Variants in ITIH6 observed in about 807,000 individuals in gnomAD.
ITIH6 encodes inter-alpha-trypsin inhibitor heavy chain H6.
ITIH6 carries 60 observed loss-of-function variants against 58.2 expected under a neutral mutation model. The ratio of observed to expected loss-of-function variants is 1.03; its 90% CI spans 0.84 to 1.28. The LOEUF is 1.28. Ranked by LOEUF, ITIH6 falls within the 50% of genes most tolerant of loss-of-function variation. The probability of loss-of-function intolerance (pLI) is 0.00; values close to 1 mark genes in which losing one functional copy is unlikely to be tolerated. For missense variants in ITIH6, 1,290 were observed against 1,021.1 expected (o/e 1.26, Z -3.59); for synonymous variants, 493 against 417.4 (o/e 1.18, Z -2.21).
In ITIH6 at chrX:54,797,083, C is replaced by T. The variant is rs745917161; in HGVS notation, c.116G>A (p.Ser39Asn). 9 of 1,207,179 alleles carry T rather than the reference C, an allele frequency of 7.5e-6. No homozygotes were observed. In the South Asian group the frequency reaches 8.9e-5, roughly 12 times the overall value. The change falls in exon 2 of 13, where the codon AGC becomes AAC. Residue 39 changes from serine (S) to asparagine (N), a missense_variant. Coordinates refer to ENST00000218436, the MANE Select transcript of ITIH6 (RefSeq NM_198510.3). The stretch of plus-strand genomic sequence containing the variant: ...CACCACCGTGGAGCGCATAGAATAG[C>T]TTGTCATTAACAACTGAGAGAGAAG... ...ASSSTKLLMTSYSMRSTVVSR... is the reference protein window; with the variant it reads ...ASSSTKLLMTNYSMRSTVVSR...
Position 54,749,350 on chromosome X carries a change from G to A in ITIH6, c.*545C>T, listed in dbSNP as rs1250191258. On this transcript the variant is annotated 3_prime_UTR_variant, in exon 13 of 13. Transcript: ENST00000218436. ...ACTGTGAGCGTGGAGGGTTGGGGGT[G>A]GGCTATAGGAACCCAGAGGACAGGA... 1 of 111,946 alleles carries A rather than the reference G, an allele frequency of 8.9e-6. No individual in the cohort carries two copies. The highest frequency in any genetic ancestry group is 1.9e-5 in the Non-Finnish European group (1 of 53,848). The allele number at this position is 111,946 out of a possible 1,213,427, so 9.2% of individuals were successfully genotyped here.
chrX:54,775,830 A>C (rs1258379612), intron 5 of ITIH6, among the ~76,000 whole-genome samples: 3 of 111,493 alleles, frequency 2.7e-5, no homozygotes, highest in African/African-American at 9.8e-5. Flanking sequence ...AACTGTGACT[A>C]ACTTGCCTCC....
intron 6 of ITIH6, 136 bp from the exon 7 acceptor site, chrX:54,760,063 T>TC: frequency 2.0e-6 from 1 of 500,675 alleles, no homozygotes; most frequent in Non-Finnish European, 3.3e-6. Context: ...ACTCTGTGAA[T>TC]CTAGGATTCT....
At chrX:54,793,855 C>T (rs750029032) in intron 2 of ITIH6, among the ~76,000 whole-genome samples, 6 of 110,958 alleles carry the variant, frequency 5.4e-5, no homozygotes, top group African/African-American at 1.3e-4. Flanking sequence ...GACTTTTTGC[C>T]GTGGAGAATG....
chrX:54,754,286 TG>T (rs1314314642), intron 9 of ITIH6, among the ~76,000 whole-genome samples: 1 of 111,962 alleles, frequency 8.9e-6, no homozygotes, highest in Non-Finnish European at 1.9e-5. Flanking sequence ...TCTTGCTCTC[TG>T]CCTGTGGTAG....
intron 1 of ITIH6, among the ~76,000 whole-genome samples, chrX:54,797,862 T>C (rs1321881734): frequency 9.0e-6 from 1 of 111,070 alleles, no homozygotes; most frequent in Non-Finnish European, 1.9e-5. Context: ...CTGTTTTCTC[T>C]TCTCTATAAT....
At chrX:54,780,863 A>G (rs1929135778) in intron 5 of ITIH6, among the ~76,000 whole-genome samples, 1 of 111,581 alleles carries the variant, frequency 9.0e-6, no homozygotes, top group African/African-American at 3.3e-5. Flanking sequence ...AGGATCATTA[A>G]TGCCTACTAT....
chrX:54,774,164 G>T lies in ITIH6; in HGVS notation c.820C>A (p.Pro274Thr). The change falls in exon 6 of 13, where the codon CCC (proline) becomes ACC (threonine). Residue 274 changes from proline (P) to threonine (T), a missense_variant. By Grantham distance (38) the Pro-to-Thr change is conservative. Transcript: ENST00000218436. ...TTCTCCATAGGTGGAAGGCCTCTGG[G>T]GGCAAAGTAGTGAATGAAATAGTCA... is the stretch of plus-strand genomic sequence containing the variant. ...YDDYFIHYFAPRGLPPMEKNV... is the reference protein window; with the variant it reads ...YDDYFIHYFATRGLPPMEKNV... 1 of 1,155,809 alleles carries T rather than the reference G, an allele frequency of 8.7e-7. No individual in the cohort carries two copies. The highest frequency in any genetic ancestry group is 2.0e-5 in the South Asian group (1 of 50,731).
intron 6 of ITIH6, among the ~76,000 whole-genome samples, chrX:54,768,847 A>T (rs1928869541): frequency 9.4e-6 from 1 of 106,162 alleles, no homozygotes; most frequent in Non-Finnish European, 1.9e-5. Context: ...GAGTCTGACA[A>T]TTATGTGTCT....
At chrX:54,781,588 GA>G (rs1429444464) in intron 5 of ITIH6, among the ~76,000 whole-genome samples, 1 of 112,438 alleles carries the variant, frequency 8.9e-6, no homozygotes, top group Non-Finnish European at 1.9e-5. Flanking sequence ...AACAACAGAT[GA>G]AGGCAAGATT....
chrX:54,752,412 G>A (rs2147598704), intron 11 of ITIH6, among the ~76,000 whole-genome samples: 1 of 112,085 alleles, frequency 8.9e-6, no homozygotes, highest in African/African-American at 3.2e-5. Context: ...TAAGGACAAT[G>A]TCCTAAAGAA....
rs1371326591 is a variant in ITIH6, at chrX:54,784,656, C to T, written c.786+3824G>A. Among the ~76,000 whole-genome samples the T allele has an allele frequency of 2.7e-5, 3 of 111,945 alleles. No individual in the cohort carries two copies. The East Asian group carries it at 8.4e-4, about 31-fold the overall frequency. On this transcript the variant is annotated intron_variant, in intron 5 of 12. Transcript: ENST00000218436. ...ACTACAATGAGATATCATCTCACCTCAGCTAAAATGGCTTCTATCCCAGAG... is the reference window on the plus strand; with the variant it reads ...ACTACAATGAGATATCATCTCACCTTAGCTAAAATGGCTTCTATCCCAGAG...
chrX:54,764,986 T>C (rs1401806739), intron 6 of ITIH6, among the ~76,000 whole-genome samples: 1,054 of 64,647 alleles, frequency 0.016, 38 homozygotes, highest in African/African-American at 0.062. Context: ...ATAGTGGTTT[T>C]GATTTGCATT....
At position 54,774,151 on chromosome X, in the gene ITIH6, G is replaced by C. The variant is rs754298121; in HGVS notation, c.833C>G (p.Pro278Arg). The change falls in exon 6 of 13, where the codon CCA becomes CGA. Residue 278 changes from proline (P) to arginine (R), a missense_variant. Coordinates refer to ENST00000218436, the MANE Select transcript of ITIH6 (RefSeq NM_198510.3). ...AAAAACCACATTCTTCTCCATAGGT[G>C]GAAGGCCTCTGGGGGCAAAGTAGTG... ...FIHYFAPRGLPPMEKNVVFVI... is the reference protein window; with the variant it reads ...FIHYFAPRGLRPMEKNVVFVI... 8.5e-7 allele frequency: 1 copy of C among 1,182,143 alleles called. No individual in the cohort carries two copies. The highest frequency in any genetic ancestry group is 3.0e-5 in the East Asian group (1 of 32,803).
rs768437719 is a variant in ITIH6, at chrX:54,758,730, T to C, written c.1344A>G (p.Ile448Met). Residue 448 changes from isoleucine to methionine, a missense_variant, in exon 8 of 13, where the codon ATA becomes ATG. Transcript: ENST00000218436. ...LRRLSLENRG[I>M]ARRIYEDTDA... ...CAGTGTCCTCATATATGCGCCGGGC[T>C]ATTCCCCGGTTTTCCAGGGACAGGC... 3.8e-5 allele frequency: 46 copies of C among 1,209,400 alleles called. No individual in the cohort carries two copies. Among genetic ancestry groups the C allele is most frequent in the Non-Finnish European group, 5.0e-5 (45 of 894,874 alleles).
At chrX:54,782,505 A>G (rs1929167504) in intron 5 of ITIH6, among the ~76,000 whole-genome samples, 1 of 111,308 alleles carries the variant, frequency 9.0e-6, no homozygotes, top group African/African-American at 3.3e-5. Context: ...TGTAAAACAA[A>G]CCCCCATGAC....
At chrX:54,750,741 T>A (rs1436782161) in intron 12 of ITIH6, among the ~76,000 whole-genome samples, 1 of 111,536 alleles carries the variant, frequency 9.0e-6, no homozygotes, top group African/African-American at 3.3e-5. Flanking sequence ...CTCCAGGAAG[T>A]CCTTCTTGAG....
At chrX:54,759,061 A>T (rs1928578910) in intron 7 of ITIH6, 63 bp from the exon 8 acceptor site, 1 of 817,203 alleles carries the variant, frequency 1.2e-6, no homozygotes, top group Non-Finnish European at 1.7e-6. Context: ...TTGCAGACAC[A>T]CTGGGCACCT....
chrX:54,758,448 GC>G lies in ITIH6; in HGVS notation c.1625del (p.Ser542ThrfsTer64). ...CCCCTGGGCAACCAAAGGCCTTCTG[GC>G]TGTTGTTGGTGGCCCCTTCACTGTG... is the stretch of plus-strand genomic sequence containing the variant. ...AHHSEGATNN[S>X]QKAFGCPGEP... On this transcript the variant is annotated frameshift_variant, in exon 8 of 13. Coordinates refer to ENST00000218436, the MANE Select transcript of ITIH6 (RefSeq NM_198510.3). LOFTEE classifies it high-confidence loss of function. The G allele has an allele frequency of 8.3e-7, 1 of 1,209,575 alleles. No individual in the cohort carries two copies. Among genetic ancestry groups the G allele is most frequent in the Non-Finnish European group, 1.1e-6 (1 of 894,414 alleles).
Sources: gnomAD v4.1 joint callset for allele counts (sites outside exome capture counted in the v4.1 genomes callset) on GRCh38, gnomAD v4.1.1 for gene constraint, MANE v1.5 for transcripts, NCBI Gene and HGNC (gene_info 2026-07-23, HGNC 2026-07-21) for gene names.